The following SH3RF1 variants were observed in gnomAD, a reference collection of about 807,000 sequenced individuals.
The protein encoded by SH3RF1 is SH3 domain containing ring finger 1.
Under a neutral mutation model 74.0 loss-of-function variants are expected in SH3RF1, and 32 were observed. The ratio of observed to expected loss-of-function variants is 0.43; its 90% CI spans 0.33 to 0.58. SH3RF1 has a LOEUF of 0.58. Ranked by LOEUF, SH3RF1 falls within the 20% of genes least tolerant of loss-of-function variation. SH3RF1 has a pLI of 0.05. For synonymous variants in SH3RF1, 396 were observed against 439.6 expected (o/e 0.90, Z 1.24); for missense variants, 954 against 1,130.9 (o/e 0.84, Z 2.24).
At chr4:169,214,810 T>TTGA (rs1305363427) in intron 2 of SH3RF1, among the ~76,000 whole-genome samples, 1 of 152,186 alleles carries the variant, frequency 6.6e-6, no homozygotes, top group African/African-American at 2.4e-5. Context: ...CTTGTATCCT[T>TTGA]CAACCTTGCT....
At chr4:169,232,160 T>C (rs1730754220) in intron 2 of SH3RF1, among the ~76,000 whole-genome samples, 1 of 152,176 alleles carries the variant, frequency 6.6e-6, no homozygotes, top group Non-Finnish European at 1.5e-5. Flanking sequence ...AGTAAGCACC[T>C]GTGAGGCAAG....
chr4:169,128,904 G>C (rs181211034), intron 6 of SH3RF1, among the ~76,000 whole-genome samples: 1 of 152,114 alleles, frequency 6.6e-6, no homozygotes, highest in Non-Finnish European at 1.5e-5. Flanking sequence ...GCCCTCAACC[G>C]AGCCCAAAAA....
intron 2 of SH3RF1, among the ~76,000 whole-genome samples, chr4:169,246,325 A>G (rs1421723818): frequency 1.3e-5 from 2 of 152,212 alleles, no homozygotes; most frequent in African/African-American, 4.8e-5. Flanking sequence ...TTAACTAGAG[A>G]ACACAAATTT....
intron 5 of SH3RF1, among the ~76,000 whole-genome samples, chr4:169,130,984 G>A (rs772170763): frequency 4.6e-5 from 7 of 152,174 alleles, no homozygotes; most frequent in Non-Finnish European, 1.0e-4. Flanking sequence ...TGGTTGGCTG[G>A]TACCTGCCTC....
chr4:169,188,003 C>G (rs28756350), intron 2 of SH3RF1, among the ~76,000 whole-genome samples: 3 of 151,926 alleles, frequency 2.0e-5, no homozygotes, highest in Admixed American at 1.3e-4. Flanking sequence ...GAGAGGCAGA[C>G]GAAATGATGC....
intron 2 of SH3RF1, among the ~76,000 whole-genome samples, chr4:169,225,246 C>A (rs1325578968): frequency 1.3e-5 from 2 of 152,118 alleles, no homozygotes; most frequent in Non-Finnish European, 2.9e-5. Flanking sequence ...GGTAGTATGA[C>A]CTGCTTCGGC....
At chr4:169,238,115 G>A (rs565205100) in intron 2 of SH3RF1, among the ~76,000 whole-genome samples, 1 of 152,268 alleles carries the variant, frequency 6.6e-6, no homozygotes, top group Admixed American at 6.5e-5. Flanking sequence ...TCAGAATAGA[G>A]CCCTATCTCT....
chr4:169,190,973 ACAT>A lies in SH3RF1; in HGVS notation c.394-34297_394-34295del, dbSNP rs559151579. On this transcript the variant is annotated intron_variant, in intron 2 of 11. Transcript: ENST00000284637. ...ATAAACAGAATTAAAAACAAAAATC[ACAT>A]CATCATCTCAATAGATGCAGAAAAA... is the stretch of plus-strand genomic sequence containing the variant. Among the ~76,000 whole-genome samples, 3 of 152,308 alleles carry A rather than the reference ACAT, an allele frequency of 2.0e-5. No homozygotes were observed. In the South Asian group the frequency reaches 6.2e-4, roughly 32 times the overall value.
intron 2 of SH3RF1, among the ~76,000 whole-genome samples, chr4:169,160,629 T>C (rs1038327344): frequency 1.3e-5 from 2 of 152,228 alleles, no homozygotes; most frequent in African/African-American, 2.4e-5. Flanking sequence ...TGTTTTTCTA[T>C]GGTATTCTTT....
intron 2 of SH3RF1, among the ~76,000 whole-genome samples, chr4:169,184,124 CCAGACCTCAGGGCACTCCCACCGG>C (rs1243436126): frequency 6.6e-6 from 1 of 152,128 alleles, no homozygotes; most frequent in Non-Finnish European, 1.5e-5. Context: ...TCTGAAGGTA[CCAGACCTCAGGGCACTCCCACCGG>C]CAGGCTTACT....
rs1733886624 is a variant in SH3RF1 at position 169,146,151 on chromosome 4, T to C, written c.765+9329A>G. ...ATATATTATATATCTATATATTCTATATAAAATATTATATATCTATATATT... is the reference window on the plus strand; with the variant it reads ...ATATATTATATATCTATATATTCTACATAAAATATTATATATCTATATATT... On this transcript the variant is annotated intron_variant, in intron 4 of 11. Transcript: ENST00000284637. 1.4e-5 allele frequency among the ~76,000 whole-genome samples: 2 copies of C among 142,738 alleles called. 1 individual carries two copies. The highest frequency in any genetic ancestry group is 4.2e-4 in the South Asian group (2 of 4,726). The allele number at this position is 142,738 out of a possible 152,430, so 93.6% of individuals were successfully genotyped here.
chr4:169,122,595 G>A lies in SH3RF1; in HGVS notation c.1180-329C>T, dbSNP rs2040494200. Among the ~76,000 whole-genome samples the A allele has an allele frequency of 2.0e-5, 3 of 152,208 alleles. No homozygotes were observed. The South Asian group carries it at 6.2e-4, about 32-fold the overall frequency. The stretch of plus-strand genomic sequence containing the variant: ...CATTTTAAAGTATGGACTTGGACAA[G>A]GATCCAAATGCCTTTCGAGGCGGGT... On this transcript the variant is annotated intron_variant, in intron 6 of 11. Transcript: ENST00000284637.
intron 6 of SH3RF1, among the ~76,000 whole-genome samples, chr4:169,124,929 C>T (rs1162087598): frequency 1.3e-5 from 2 of 152,158 alleles, no homozygotes; most frequent in South Asian, 2.1e-4. Context: ...ACCTGGAGTC[C>T]TGCTTATTAT....
At chr4:169,226,188 T>A (rs1385580544) in intron 2 of SH3RF1, among the ~76,000 whole-genome samples, 2 of 152,322 alleles carry the variant, frequency 1.3e-5, no homozygotes, top group Non-Finnish European at 2.9e-5. Context: ...GGTAGGTGGA[T>A]AAGTACCTTT....
chr4:169,210,802 C>G (rs1385298021), intron 2 of SH3RF1, among the ~76,000 whole-genome samples: 2 of 152,204 alleles, frequency 1.3e-5, no homozygotes, highest in Non-Finnish European at 2.9e-5. Context: ...ACAGTTGTTT[C>G]TGTACCTCAG....
At chr4:169,115,441 C>T (rs553871647) in intron 10 of SH3RF1, among the ~76,000 whole-genome samples, 2 of 152,148 alleles carry the variant, frequency 1.3e-5, no homozygotes, top group Non-Finnish European at 2.9e-5. Context: ...GGAGCATGAA[C>T]CCTATTGTGA....
At chr4:169,151,283 G>C (rs1733971893) in intron 4 of SH3RF1, among the ~76,000 whole-genome samples, 1 of 152,096 alleles carries the variant, frequency 6.6e-6, no homozygotes, top group South Asian at 2.1e-4. Context: ...AATACTCACA[G>C]AGAGAAAAAA....
At chr4:169,106,697 T>C (rs1449957222) in intron 11 of SH3RF1, 150 bp downstream of exon 11, 2 of 651,916 alleles carry the variant, frequency 3.1e-6, no homozygotes, top group Non-Finnish European at 4.9e-6. Context: ...TCATGTCAAG[T>C]GGGAAAAGAA....
At chr4:169,115,570 G>C (rs1346933387) in intron 10 of SH3RF1, among the ~76,000 whole-genome samples, 1 of 151,964 alleles carries the variant, frequency 6.6e-6, no homozygotes, top group Non-Finnish European at 1.5e-5. Flanking sequence ...AACAAACTCA[G>C]GGCTCCCACT....
Sources: allele counts gnomAD v4.1 joint callset (sites outside exome capture counted in the v4.1 genomes callset), GRCh38; gene constraint gnomAD v4.1.1; transcripts MANE v1.5; gene names NCBI Gene and HGNC (gene_info 2026-07-23, HGNC 2026-07-21).